The following DIAPH3 variants were observed in gnomAD, a reference collection of about 807,000 sequenced individuals.
DIAPH3 encodes the protein diaphanous related formin 3.
A neutral mutation model predicts 144.3 loss-of-function variants in DIAPH3; 117 were observed. The ratio of observed to expected loss-of-function variants is 0.81; its 90% CI spans 0.70 to 0.95. The LOEUF (loss-of-function observed/expected upper bound fraction) is 0.95. Among genes scored for constraint, DIAPH3 ranks in the 40% least tolerant of loss-of-function variants. The pLI, the probability that DIAPH3 is intolerant of heterozygous loss-of-function variation, is 0.00. For missense variants in DIAPH3, 1,421 were observed against 1,412.7 expected (o/e 1.01, Z -0.09); for synonymous variants, 519 against 488.9 (o/e 1.06, Z -0.81).
intron 22 of DIAPH3, among the ~76,000 whole-genome samples, chr13:59,853,756 G>C (rs1366588127): frequency 6.6e-6 from 1 of 152,088 alleles, no homozygotes; most frequent in East Asian, 1.9e-4. Context: ...TTCACACAAT[G>C]ACAAAGAAAA....
chr13:60,060,468 T>C (rs774873540), intron 4 of DIAPH3, among the ~76,000 whole-genome samples: 6 of 152,142 alleles, frequency 3.9e-5, no homozygotes, highest in Non-Finnish European at 8.8e-5. Context: ...TTTTTAAAGC[T>C]GTGCAGTTTA....
intron 20 of DIAPH3, among the ~76,000 whole-genome samples, chr13:59,890,107 T>A (rs1323502188): frequency 6.6e-6 from 1 of 152,160 alleles, no homozygotes; most frequent in Non-Finnish European, 1.5e-5. Flanking sequence ...CTGTAGCAGC[T>A]GCTATCTGGC....
At chr13:59,707,246 AC>A (rs1166757905) in intron 27 of DIAPH3, among the ~76,000 whole-genome samples, 1 of 152,174 alleles carries the variant, frequency 6.6e-6, no homozygotes, top group African/African-American at 2.4e-5. Flanking sequence ...CCTCAAGAGA[AC>A]AATACCTTGA....
chr13:59,850,381 C>T (rs1375567362), intron 22 of DIAPH3, among the ~76,000 whole-genome samples: 4 of 151,472 alleles, frequency 2.6e-5, no homozygotes, highest in East Asian at 1.9e-4. Flanking sequence ...TGAGAGAGGG[C>T]ATCCCTGTCT....
At chr13:60,042,581 T>C in intron 5 of DIAPH3, 109 bp downstream of exon 5, 2 of 1,332,516 alleles carry the variant, frequency 1.5e-6, no homozygotes, top group East Asian at 4.9e-5. Context: ...GTATTCAGTT[T>C]GTACTTTGAG....
intron 27 of DIAPH3, among the ~76,000 whole-genome samples, chr13:59,736,754 A>T (rs553347877): frequency 6.6e-6 from 1 of 152,346 alleles, no homozygotes; most frequent in Non-Finnish European, 1.5e-5. Context: ...AGCCAACTTC[A>T]AACTATACAA....
intron 17 of DIAPH3, among the ~76,000 whole-genome samples, chr13:59,957,239 C>G (rs563275940): frequency 1.3e-5 from 2 of 152,190 alleles, no homozygotes; most frequent in East Asian, 1.9e-4. Flanking sequence ...TATCTCCACC[C>G]AAATCTTATC....
At chr13:60,152,491 T>C (rs960208434) in intron 1 of DIAPH3, among the ~76,000 whole-genome samples, 2 of 150,056 alleles carry the variant, frequency 1.3e-5, no homozygotes, top group Admixed American at 6.7e-5. Context: ...GGGAAAGATA[T>C]ATATATATAT....
chr13:59,916,305 C>A, intron 18 of DIAPH3, 56 bp from the exon 19 acceptor site: 1 of 1,263,824 alleles, frequency 7.9e-7, no homozygotes, highest in Non-Finnish European at 1.2e-6. Context: ...AAAAGTATTT[C>A]AGATGTAGTT....
At chr13:59,970,339 C>T (rs2050291110) in intron 16 of DIAPH3, among the ~76,000 whole-genome samples, 1 of 152,138 alleles carries the variant, frequency 6.6e-6, no homozygotes, top group African/African-American at 2.4e-5. Flanking sequence ...ATAATCTTCA[C>T]CTGCACTATA....
chr13:59,956,932 T>C (rs2049439304), intron 17 of DIAPH3, among the ~76,000 whole-genome samples: 1 of 152,214 alleles, frequency 6.6e-6, no homozygotes. Context: ...ATTTCAGATT[T>C]GCACGGGGCC....
chr13:59,829,137 G>C (rs147909243), intron 24 of DIAPH3, among the ~76,000 whole-genome samples: 2 of 151,960 alleles, frequency 1.3e-5, no homozygotes, highest in African/African-American at 4.8e-5. Flanking sequence ...AAACACTGAG[G>C]AGAGACTGTA....
At chr13:59,771,330 TATA>T (rs2038107678) in intron 27 of DIAPH3, among the ~76,000 whole-genome samples, 1 of 152,186 alleles carries the variant, frequency 6.6e-6, no homozygotes, top group Non-Finnish European at 1.5e-5. Context: ...CCAAGCTTTC[TATA>T]ATATTTCTAA....
At chr13:60,130,452 C>T (rs2059110460) in intron 2 of DIAPH3, among the ~76,000 whole-genome samples, 1 of 152,060 alleles carries the variant, frequency 6.6e-6, no homozygotes, top group South Asian at 2.1e-4. Context: ...CAGACGTGTA[C>T]AATTAAGAAG....
At chr13:59,677,125 C>G (rs1283621038) in intron 27 of DIAPH3, among the ~76,000 whole-genome samples, 1 of 151,882 alleles carries the variant, frequency 6.6e-6, no homozygotes, top group Admixed American at 6.6e-5. Context: ...ATAACAAGTT[C>G]TTGATAATTT....
In DIAPH3 at chr13:59,712,358, A is replaced by G. The variant is rs566764160; in HGVS notation, c.3320-45512T>C. Among the ~76,000 whole-genome samples the G allele has an allele frequency of 1.6e-4, 24 of 152,310 alleles. 1 individual carries two copies. The highest frequency in any genetic ancestry group is 3.4e-3 in the Middle Eastern group (1 of 294). On this transcript the variant is annotated intron_variant, in intron 27 of 27. Transcript: ENST00000400324. ...GCAGTGGTCCTTTTCTCAGGAAACA[A>G]GAGACTCATCTGTCTGTTCAAGTCA...
chr13:59,774,373 C>G, intron 26 of DIAPH3, 125 bp from the exon 27 acceptor site: 1 of 764,066 alleles, frequency 1.3e-6, no homozygotes, highest in South Asian at 1.7e-5. Context: ...GCTTCAATAT[C>G]CTGAAATACT....
chr13:59,792,220 A>C (rs1014082885), intron 25 of DIAPH3, among the ~76,000 whole-genome samples: 1 of 152,158 alleles, frequency 6.6e-6, no homozygotes, highest in African/African-American at 2.4e-5. Flanking sequence ...GGTGGAGGAC[A>C]TGGGAATGTC....
At chr13:59,774,589 G>C in intron 26 of DIAPH3, 139 bp downstream of exon 26, 2 of 842,958 alleles carry the variant, frequency 2.4e-6, no homozygotes, top group Non-Finnish European at 4.0e-6. Context: ...AAGGGATTAA[G>C]CAAACTTATG....
Sources: allele counts gnomAD v4.1 joint callset (sites outside exome capture counted in the v4.1 genomes callset), GRCh38; gene constraint gnomAD v4.1.1; transcripts MANE v1.5; gene names NCBI Gene and HGNC (gene_info 2026-07-23, HGNC 2026-07-21).